The following CHN2 variants were observed in gnomAD, a reference collection of about 807,000 sequenced individuals.
CHN2 encodes the protein chimerin 2, also known as beta-chimaerin.
CHN2 carries 35 observed loss-of-function variants against 56.3 expected under a neutral mutation model. The observed-to-expected ratio is 0.62, with a 90% confidence interval of 0.47 to 0.82. CHN2 has a LOEUF of 0.82. Among genes scored for constraint, CHN2 ranks in the 40% least tolerant of loss-of-function variants. The pLI is 0.00. For synonymous variants in CHN2, 210 were observed against 212.8 expected (o/e 0.99, Z 0.12); for missense variants, 491 against 580.5 (o/e 0.85, Z 1.58).
intron 6 of CHN2, among the ~76,000 whole-genome samples, chr7:29,479,171 A>G (rs1786869273): frequency 1.3e-5 from 2 of 152,344 alleles, no homozygotes; most frequent in South Asian, 4.1e-4. Flanking sequence ...CCTAGGATCA[A>G]AGAATTAGGG....
chr7:29,293,188 G>A (rs1303339905), intron 1 of CHN2, among the ~76,000 whole-genome samples: 2 of 152,144 alleles, frequency 1.3e-5, no homozygotes, highest in African/African-American at 4.8e-5. Context: ...CCCTGCTGCT[G>A]CCTAAGGGCC....
At chr7:29,157,926 T>A (rs1035354931) in intron 2 of CHN2, among the ~76,000 whole-genome samples, 1 of 152,140 alleles carries the variant, frequency 6.6e-6, no homozygotes, top group Non-Finnish European at 1.5e-5. Context: ...CTCTTCCTTA[T>A]GAAAATACTG....
intron 6 of CHN2, 171 bp downstream of exon 6, chr7:29,400,999 C>T (rs1298718367): frequency 2.1e-5 from 14 of 663,514 alleles, no homozygotes; most frequent in African/African-American, 3.6e-5. Context: ...TCAGGCCGGG[C>T]GTGGTGGCTC....
intron 1 of CHN2, among the ~76,000 whole-genome samples, chr7:29,333,769 C>T (rs1247599480): frequency 6.6e-6 from 1 of 152,180 alleles, no homozygotes; most frequent in African/African-American, 2.4e-5. Context: ...CACCCCAACC[C>T]ACCCATAAAC....
chr7:29,232,566 A>C (rs892898802), intron 1 of CHN2, among the ~76,000 whole-genome samples: 1 of 152,214 alleles, frequency 6.6e-6, no homozygotes, highest in African/African-American at 2.4e-5. Flanking sequence ...AATTTTGCAG[A>C]TTTAATTTCA....
intron 8 of CHN2, among the ~76,000 whole-genome samples, chr7:29,499,123 G>A (rs1053616365): frequency 6.6e-6 from 1 of 152,144 alleles, no homozygotes; most frequent in Non-Finnish European, 1.5e-5. Context: ...CAGGCTCTTC[G>A]TGTTTTCATT....
chr7:29,150,920 C>T (rs1793504938), intron 2 of CHN2, among the ~76,000 whole-genome samples: 1 of 152,140 alleles, frequency 6.6e-6, no homozygotes, highest in Non-Finnish European at 1.5e-5. Context: ...GTGTCACACC[C>T]ACACACTTGC....
At chr7:29,250,441 C>G (rs1027517476) in intron 1 of CHN2, among the ~76,000 whole-genome samples, 2 of 152,130 alleles carry the variant, frequency 1.3e-5, no homozygotes, top group Non-Finnish European at 2.9e-5. Context: ...TATGCTTCAC[C>G]CATGTAAGGA....
chr7:29,352,767 G>A (rs1322697583), intron 1 of CHN2, among the ~76,000 whole-genome samples: 1 of 151,890 alleles, frequency 6.6e-6, no homozygotes, highest in Non-Finnish European at 1.5e-5. Context: ...AAACAAAAAC[G>A]TCAGAAATGC....
chr7:29,442,598 A>G (rs1174156772), intron 6 of CHN2, among the ~76,000 whole-genome samples: 1 of 152,162 alleles, frequency 6.6e-6, no homozygotes, highest in Non-Finnish European at 1.5e-5. Context: ...CTAATTCCCA[A>G]TACCCACAGC....
At chr7:29,256,237 A>G (rs1385413272) in intron 1 of CHN2, among the ~76,000 whole-genome samples, 2 of 152,204 alleles carry the variant, frequency 1.3e-5, no homozygotes, top group African/African-American at 4.8e-5. Flanking sequence ...TGAATGAGAC[A>G]TATGCCCTCA....
chr7:29,198,730 G>A (rs775166245), intron 1 of CHN2, among the ~76,000 whole-genome samples: 4 of 152,010 alleles, frequency 2.6e-5, no homozygotes, highest in African/African-American at 9.7e-5. Flanking sequence ...ATAATCATGG[G>A]TTACATTTGC....
chr7:29,182,890 G>A (rs1323434078), intron 2 of CHN2, among the ~76,000 whole-genome samples: 1 of 152,130 alleles, frequency 6.6e-6, no homozygotes. Context: ...ACAGCCTGCT[G>A]CCTTTAAATG....
Position 29,483,765 on chromosome 7 carries a change from A to G in CHN2, c.654+3409A>G, listed in dbSNP as rs1787625581. The G allele has an allele frequency of 2.1e-5, 23 of 1,118,178 alleles. 1 individual carries two copies. In the South Asian group the frequency reaches 4.1e-4, roughly 20 times the overall value. 69.3% of individuals were successfully genotyped at this position (1,118,178 alleles called of 1,614,324 possible). ...AGCTCTGAAAATCTTCAGGCCAGCC[A>G]ACCCCAGAGGCCCGGCAGTCGGCTT... On this transcript the variant is annotated intron_variant, in intron 7 of 12. Transcript: ENST00000222792.
At chr7:29,424,345 T>C (rs560160377) in intron 6 of CHN2, among the ~76,000 whole-genome samples, 1 of 151,798 alleles carries the variant, frequency 6.6e-6, no homozygotes, top group South Asian at 2.1e-4. Flanking sequence ...ATCTCCCCAG[T>C]TTTTTTTTAA....
At chr7:29,225,608 A>T (rs906902353) in intron 1 of CHN2, among the ~76,000 whole-genome samples, 1 of 152,202 alleles carries the variant, frequency 6.6e-6, no homozygotes, top group Non-Finnish European at 1.5e-5. Flanking sequence ...GTAGTTTAGC[A>T]TCGCTCTTCG....
intron 2 of CHN2, among the ~76,000 whole-genome samples, chr7:29,177,110 C>T (rs1584577564): frequency 6.6e-6 from 1 of 152,126 alleles, no homozygotes; most frequent in East Asian, 1.9e-4. Flanking sequence ...TGAACATTGT[C>T]TTCTAGCACA....
chr7:29,283,701 C>T (rs1376002677), intron 1 of CHN2, among the ~76,000 whole-genome samples: 1 of 152,110 alleles, frequency 6.6e-6, no homozygotes, highest in Non-Finnish European at 1.5e-5. Flanking sequence ...TCACCACAAC[C>T]TCCACCTCCC....
At chr7:29,366,655 T>G (rs1257472658) in intron 2 of CHN2, among the ~76,000 whole-genome samples, 1 of 152,208 alleles carries the variant, frequency 6.6e-6, no homozygotes, top group East Asian at 1.9e-4. Context: ...AGGGTTGTGG[T>G]GAACTCTGTT....
Sources: allele counts gnomAD v4.1 joint callset (sites outside exome capture counted in the v4.1 genomes callset), GRCh38; gene constraint gnomAD v4.1.1; transcripts MANE v1.5; gene names NCBI Gene and HGNC (gene_info 2026-07-23, HGNC 2026-07-21).